The following FGD4 variants were observed in gnomAD, a reference collection of about 807,000 sequenced individuals.
FGD4 encodes the protein FYVE, RhoGEF and PH domain containing 4.
In FGD4, 42 loss-of-function variants were observed where a neutral mutation model predicts 102.0. The ratio of observed to expected loss-of-function variants is 0.41; its 90% CI spans 0.32 to 0.53. The LOEUF (loss-of-function observed/expected upper bound fraction) is 0.53. Among genes scored for constraint, FGD4 ranks in the 20% least tolerant of loss-of-function variants. The probability of loss-of-function intolerance (pLI) is 0.21; values close to 1 mark genes in which losing one functional copy is unlikely to be tolerated. For missense variants in FGD4, 902 were observed against 1,078.2 expected, an observed-to-expected ratio of 0.84 and a Z score of 2.29; for synonymous variants, 380 against 375.7, an observed-to-expected ratio of 1.01 and a Z score of -0.13.
intron 1 of FGD4, among the ~76,000 whole-genome samples, chr12:32,521,570 G>A (rs1451642852): frequency 6.6e-6 from 1 of 152,140 alleles, no homozygotes; most frequent in Non-Finnish European, 1.5e-5. Flanking sequence ...CTAACAATGT[G>A]TCCTGTATAC....
intron 1 of FGD4, among the ~76,000 whole-genome samples, chr12:32,519,573 T>C (rs1439402648): frequency 1.3e-5 from 2 of 151,892 alleles, no homozygotes; most frequent in African/African-American, 4.8e-5. Context: ...GGAGGATCAC[T>C]TGAGGCCAGG....
intron 1 of FGD4, among the ~76,000 whole-genome samples, chr12:32,510,971 G>T (rs951491075): frequency 1.3e-5 from 2 of 152,162 alleles, no homozygotes; most frequent in African/African-American, 2.4e-5. Context: ...TTATATAGAA[G>T]TCATCAGAGT....
intron 1 of FGD4, among the ~76,000 whole-genome samples, chr12:32,551,582 G>C (rs1033260310): frequency 6.6e-6 from 1 of 152,184 alleles, no homozygotes; most frequent in Non-Finnish European, 1.5e-5. Flanking sequence ...CTGACTTGAA[G>C]AATGTTTAGA....
chr12:32,547,239 A>G lies in FGD4; in HGVS notation c.167-16898A>G, dbSNP rs150378842. On this transcript the variant is annotated intron_variant, in intron 1 of 16. Coordinates refer to ENST00000534526, the MANE Select transcript of FGD4 (RefSeq NM_001370298.3). ...GATCACTAGAGTTCAGGAGTTTGAG[A>G]CCAGCCTGGGCAAGATGATGAGACT... 3.5e-3 allele frequency among the ~76,000 whole-genome samples: 538 copies of G among 152,170 alleles called. 5 individuals are homozygous for G. The highest frequency in any genetic ancestry group is 0.013 in the African/African-American group (522 of 41,506).
intron 5 of FGD4, among the ~76,000 whole-genome samples, 194 bp from the exon 6 acceptor site, chr12:32,601,084 G>C (rs796153782): frequency 5.3e-5 from 8 of 152,234 alleles, no homozygotes; most frequent in African/African-American, 1.9e-4. Context: ...TAGAATCAAA[G>C]CTTCCTAATT....
At position 32,549,415 on chromosome 12, in the gene FGD4, T is replaced by C. The variant is rs139782389; in HGVS notation, c.167-14722T>C. 2.2e-3 allele frequency among the ~76,000 whole-genome samples: 331 copies of C among 152,274 alleles called. 1 individual carries two copies. Among genetic ancestry groups the C allele is most frequent in the Middle Eastern group, 0.014 (4 of 294 alleles). ...CCCACAGAAGTTATCTAGGATCTTA[T>C]TGAGTGCTTCCCCCTCGTCCTTCCA... On this transcript the variant is annotated intron_variant, in intron 1 of 16. Coordinates refer to ENST00000534526, the MANE Select transcript of FGD4 (RefSeq NM_001370298.3).
intron 1 of FGD4, among the ~76,000 whole-genome samples, chr12:32,515,247 C>A (rs1939774544): frequency 6.6e-6 from 1 of 152,224 alleles, no homozygotes; most frequent in Admixed American, 6.5e-5. Flanking sequence ...CTGGAAAGGG[C>A]CCCACTCCAA....
intron 10 of FGD4, among the ~76,000 whole-genome samples, chr12:32,612,910 G>T (rs1949236358): frequency 6.6e-6 from 1 of 152,090 alleles, no homozygotes; most frequent in Admixed American, 6.5e-5. Context: ...GGGGCATCCA[G>T]ACAATTTTTT....
In FGD4 at chr12:32,468,694, A is replaced by T. The variant is rs373925206; in HGVS notation, c.166+68735A>T. On this transcript the variant is annotated intron_variant, in intron 1 of 16. Transcript: ENST00000534526. ...GAGGTTGAGGCTGCAGTGAGCTATGATCGCCCAACTGTACTGCAGCCTGAG... is the reference window on the plus strand; with the variant it reads ...GAGGTTGAGGCTGCAGTGAGCTATGTTCGCCCAACTGTACTGCAGCCTGAG... Among the ~76,000 whole-genome samples the T allele has an allele frequency of 3.3e-5, 5 of 152,304 alleles. No individual in the cohort carries two copies. In the East Asian group the frequency reaches 5.8e-4, roughly 18 times the overall value.
At position 32,399,920 on chromosome 12, in the gene FGD4, A is replaced by G. The variant is rs970648191; in HGVS notation, c.127A>G (p.Thr43Ala). The G allele has an allele frequency of 1.2e-5, 18 of 1,517,948 alleles. No individual in the cohort carries two copies. In the African/African-American group the frequency reaches 2.1e-4, roughly 18 times the overall value. 94.0% of individuals were successfully genotyped at this position (1,517,948 alleles called of 1,614,324 possible). A position where few individuals can be genotyped will look rare whatever the true frequency, so the allele number is the denominator to read the frequency against. The change falls in exon 1 of 17, where the codon ACC becomes GCC. Residue 43 changes from threonine to alanine, a missense_variant. By Grantham distance (58) the Thr-to-Ala change is moderately conservative. Coordinates refer to ENST00000534526, the MANE Select transcript of FGD4 (RefSeq NM_001370298.3). ...RPASHLGRVG[T>A]AAFKGQVPSG... ...CGCGTCGCACCTGGGACGTGTAGGG[A>G]CCGCTGCCTTCAAGGGCCAGGTGCC...
At position 32,486,257 on chromosome 12, in the gene FGD4, C is replaced by T; in HGVS notation, c.167-77880C>T. 4 of 1,013,602 alleles carry T rather than the reference C, an allele frequency of 3.9e-6. No individual in the cohort carries two copies. In the South Asian group the frequency reaches 7.6e-5, roughly 19 times the overall value. The allele number at this position is 1,013,602 out of a possible 1,614,324, so 62.8% of individuals were successfully genotyped here. Reference sequence around the variant, plus strand: ...GGTCACTGGTATTTCTCTTTGTTTACTGTTAAGTGATAATAATTTGTACCA... The same window carrying T: ...GGTCACTGGTATTTCTCTTTGTTTATTGTTAAGTGATAATAATTTGTACCA... On this transcript the variant is annotated intron_variant, in intron 1 of 16. Coordinates refer to ENST00000534526, the MANE Select transcript of FGD4 (RefSeq NM_001370298.3).
At chr12:32,403,191 G>T (rs1420566255) in intron 1 of FGD4, among the ~76,000 whole-genome samples, 1 of 152,174 alleles carries the variant, frequency 6.6e-6, no homozygotes, top group African/African-American at 2.4e-5. Flanking sequence ...GTTATGTCAT[G>T]TTCTGTGGTT....
chr12:32,415,306 C>T (rs771338413), intron 1 of FGD4, among the ~76,000 whole-genome samples: 1 of 151,768 alleles, frequency 6.6e-6, no homozygotes, highest in Non-Finnish European at 1.5e-5. Context: ...TTCTATTCTG[C>T]AGATTAAGTC....
At chr12:32,631,564 G>A (rs2137003478) in intron 14 of FGD4, among the ~76,000 whole-genome samples, 1 of 148,722 alleles carries the variant, frequency 6.7e-6, no homozygotes, top group East Asian at 2.0e-4. Context: ...GAGTGCACTG[G>A]CGCGATCTTG....
At chr12:32,446,176 A>G (rs1183590036) in intron 1 of FGD4, among the ~76,000 whole-genome samples, 1 of 152,132 alleles carries the variant, frequency 6.6e-6, no homozygotes, top group Non-Finnish European at 1.5e-5. Flanking sequence ...ATAAAATGTT[A>G]CTTTGTTTTG....
chr12:32,530,326 A>T lies in FGD4; in HGVS notation c.167-33811A>T, dbSNP rs150633822. Among the ~76,000 whole-genome samples the T allele has an allele frequency of 9.0e-3, 1,370 of 152,156 alleles. 19 individuals carry two copies. Among genetic ancestry groups the T allele is most frequent in the African/African-American group, 0.031 (1,282 of 41,530 alleles). On this transcript the variant is annotated intron_variant, in intron 1 of 16. Transcript: ENST00000534526. Reference sequence around the variant, plus strand: ...GGTGAAACCCTGTCTCTACTAAAAAAACGAAAATTAGCCAGGCCTGGTGGC... The same window carrying T: ...GGTGAAACCCTGTCTCTACTAAAAATACGAAAATTAGCCAGGCCTGGTGGC...
chr12:32,472,638 G>C (rs998849196), intron 1 of FGD4, among the ~76,000 whole-genome samples: 1 of 152,336 alleles, frequency 6.6e-6, no homozygotes, highest in East Asian at 1.9e-4. Context: ...GCTCCACGGC[G>C]CCCAGTCCCA....
intron 3 of FGD4, among the ~76,000 whole-genome samples, chr12:32,580,123 A>C (rs559158848): frequency 1.3e-5 from 2 of 152,176 alleles, no homozygotes; most frequent in Non-Finnish European, 2.9e-5. Flanking sequence ...GCTCCAGTAC[A>C]TCATAACTTG....
Position 32,585,225 on chromosome 12 carries a change from TA to T in FGD4, c.1011+2759del, listed in dbSNP as rs1486730374. On this transcript the variant is annotated intron_variant, in intron 4 of 16. Coordinates refer to ENST00000534526, the MANE Select transcript of FGD4 (RefSeq NM_001370298.3). ...GTGAGACCCTGTCTCAAAAATTTTA[TA>T]TATATATATATATATATATATATAT... 5.6e-4 allele frequency among the ~76,000 whole-genome samples: 9 copies of T among 15,944 alleles called. No homozygotes were observed. In the South Asian group the frequency reaches 0.016, roughly 28 times the overall value. 10.5% of individuals were successfully genotyped at this position (15,944 alleles called of 152,430 possible).
Sources: allele counts gnomAD v4.1 joint callset (sites outside exome capture counted in the v4.1 genomes callset), GRCh38; gene constraint gnomAD v4.1.1; transcripts MANE v1.5; gene names NCBI Gene and HGNC (gene_info 2026-07-23, HGNC 2026-07-21).